The following SLC9A1 variants were observed in gnomAD, a reference collection of about 807,000 sequenced individuals.
The protein encoded by SLC9A1 is sodium/hydrogen exchanger 1.
Under a neutral mutation model 67.9 loss-of-function variants are expected in SLC9A1, and 22 were observed. The ratio of observed to expected loss-of-function variants is 0.32; its 90% CI spans 0.23 to 0.46. The LOEUF (loss-of-function observed/expected upper bound fraction) is 0.46. Ranked by LOEUF, SLC9A1 falls within the 20% of genes least tolerant of loss-of-function variation. The probability of loss-of-function intolerance (pLI) is 1.00; values close to 1 mark genes in which losing one functional copy is unlikely to be tolerated. For synonymous variants in SLC9A1, 421 were observed against 471.8 expected (o/e 0.89, Z 1.40); for missense variants, 686 against 1,094.8 (o/e 0.63, Z 5.27).
intron 1 of SLC9A1, among the ~76,000 whole-genome samples, chr1:27,115,842 G>A (rs2083268966): frequency 6.6e-6 from 1 of 152,100 alleles, no homozygotes; most frequent in Admixed American, 6.5e-5. Flanking sequence ...TACACCCAGG[G>A]CTAGGACACA....
At chr1:27,117,609 G>C (rs879555452) in intron 1 of SLC9A1, among the ~76,000 whole-genome samples, 2 of 152,302 alleles carry the variant, frequency 1.3e-5, no homozygotes, top group African/African-American at 2.4e-5. Flanking sequence ...ACAGCAACAT[G>C]AAGACGGCTC....
At chr1:27,102,252 G>T (rs1424677470) in intron 8 of SLC9A1, 122 bp from the exon 9 acceptor site, 4 of 1,332,664 alleles carry the variant, frequency 3.0e-6, no homozygotes, top group African/African-American at 1.4e-5. Context: ...TCAGGTCCTT[G>T]GTGCGAGCCC....
At chr1:27,140,777 G>T (rs765976246) in intron 1 of SLC9A1, among the ~76,000 whole-genome samples, 1 of 152,102 alleles carries the variant, frequency 6.6e-6, no homozygotes, top group Non-Finnish European at 1.5e-5. Flanking sequence ...TGTTTCAGAC[G>T]ATCAGTCTTG....
rs11579458 is a variant in SLC9A1 at position 27,155,124 on chromosome 1, C to A, written c.-790G>T. Reference sequence around the variant, plus strand: ...TAGCCCCGGCCCCGGCGGCAGCAGACTGAAGCCTAGCTGAGCCCGGCGCTG... The same window carrying A: ...TAGCCCCGGCCCCGGCGGCAGCAGAATGAAGCCTAGCTGAGCCCGGCGCTG... On this transcript the variant is annotated 5_prime_UTR_variant, in exon 1 of 12. Transcript: ENST00000263980. This position sits in a 1 kb window ranked among gnomAD's most constrained non-coding sequence, Gnocchi z 4.5. Among the ~76,000 whole-genome samples the A allele has an allele frequency of 1.3e-5, 2 of 152,100 alleles. No individual in the cohort carries two copies. Among genetic ancestry groups the A allele is most frequent in the African/African-American group, 4.8e-5 (2 of 41,432 alleles).
At chr1:27,110,175 G>C (rs977312703) in intron 2 of SLC9A1, among the ~76,000 whole-genome samples, 4 of 152,196 alleles carry the variant, frequency 2.6e-5, no homozygotes, top group Non-Finnish European at 5.9e-5. Flanking sequence ...CTAAATCAGC[G>C]AATCAAGTGC....
At chr1:27,151,512 C>T (rs1380947828) in intron 1 of SLC9A1, among the ~76,000 whole-genome samples, 1 of 152,146 alleles carries the variant, frequency 6.6e-6, no homozygotes, top group African/African-American at 2.4e-5. Context: ...AGGCAGCCGC[C>T]ACCATGCCCA....
chr1:27,119,351 T>C (rs1195153021), intron 1 of SLC9A1, among the ~76,000 whole-genome samples: 2 of 152,086 alleles, frequency 1.3e-5, no homozygotes, highest in Non-Finnish European at 2.9e-5. Flanking sequence ...CTTTGGCCCA[T>C]AGTGCCAGGT....
At position 27,109,698 on chromosome 1, in the gene SLC9A1, A is replaced by C. The variant is rs1183347068; in HGVS notation, c.893T>G (p.Phe298Cys). 6 of 1,613,886 alleles carry C rather than the reference A, an allele frequency of 3.7e-6. No individual in the cohort carries two copies. Among genetic ancestry groups the C allele is most frequent in the Non-Finnish European group, 5.1e-6 (6 of 1,180,028 alleles). The change falls in exon 3 of 12, where the codon TTC (phenylalanine) becomes TGC (cysteine). Residue 298 changes from phenylalanine (F) to cysteine (C), a missense_variant. Around this residue, in one of 7 missense-constraint regions of SLC9A1, gnomAD observed 58 missense variants for 68.9 expected, o/e 0.84. Coordinates refer to ENST00000263980, the MANE Select transcript of SLC9A1 (RefSeq NM_003047.5). The surrounding 1 kb of genome is among the most constrained non-coding windows in gnomAD (Gnocchi z 5.5). ...CACCCCGCCCAGGGCCACCACGAAG[A>C]AGCTCAGGAAGCCGAGGAAGATGTC... ...IVDIFLGFLS[F>C]FVVALGGVLV...
intron 1 of SLC9A1, among the ~76,000 whole-genome samples, chr1:27,139,220 C>T (rs533512739): frequency 1.5e-4 from 23 of 152,166 alleles, no homozygotes; most frequent in Non-Finnish European, 2.5e-4. Flanking sequence ...ACCGGTGTCA[C>T]GGCCATTGCC....
chr1:27,125,155 C>T (rs972582257), intron 1 of SLC9A1, among the ~76,000 whole-genome samples: 4 of 151,716 alleles, frequency 2.6e-5, no homozygotes, highest in African/African-American at 9.7e-5. Flanking sequence ...AACACCCATC[C>T]AAGCCAGCAC....
Position 27,106,106 on chromosome 1 carries a change from GGT to G in SLC9A1, c.1283-21_1283-20del. The G allele has an allele frequency of 6.4e-7, 1 of 1,565,656 alleles. No homozygotes were observed. The stretch of plus-strand genomic sequence containing the variant: ...AGCACCCCTGCAGGGGAAGGCAGGG[GGT>G]GATGAGGGTCAGGTCGGGCTGTCCC... On this transcript the variant is annotated intron_variant, in intron 4 of 11. Transcript: ENST00000263980. The surrounding 1 kb of genome is among the most constrained non-coding windows in gnomAD (Gnocchi z 4.3).
intron 1 of SLC9A1, among the ~76,000 whole-genome samples, chr1:27,135,617 G>A (rs554486465): frequency 1.5e-4 from 23 of 148,462 alleles, no homozygotes; most frequent in Middle Eastern, 3.4e-3. Context: ...TACTGTCACA[G>A]ATTATTTCAT....
At chr1:27,105,120 G>A in intron 5 of SLC9A1, among the ~76,000 whole-genome samples, 1 of 152,204 alleles carries the variant, frequency 6.6e-6, no homozygotes, top group East Asian at 1.9e-4. Context: ...AGCTAGGGCT[G>A]ACTCCAGGCC....
At chr1:27,141,069 G>A (rs867743453) in intron 1 of SLC9A1, among the ~76,000 whole-genome samples, 3 of 152,088 alleles carry the variant, frequency 2.0e-5, no homozygotes, top group Non-Finnish European at 1.5e-5. Context: ...TTAGCCAGGC[G>A]TGGTGGCACA....
At position 27,114,048 on chromosome 1, in the gene SLC9A1, C is replaced by A; in HGVS notation, c.591G>T (p.Thr197=). 1 of 1,614,142 alleles carries A rather than the reference C, an allele frequency of 6.2e-7. No individual in the cohort carries two copies. The highest frequency in any genetic ancestry group is 8.5e-7 in the Non-Finnish European group (1 of 1,180,046). ...GTILIFAVVG[T]LWNAFFLGGL... is the part of the protein sequence containing the mutation. ...CGCCCAGGAAGAAGGCGTTCCACAG[C>A]GTGCCCACCACGGCAAAGATCAGGA... Residue 197 remains threonine, a synonymous_variant, in exon 2 of 12, where the codon ACG becomes ACT. Coordinates refer to ENST00000263980, the MANE Select transcript of SLC9A1 (RefSeq NM_003047.5). This position sits in a 1 kb window ranked among gnomAD's most constrained non-coding sequence, Gnocchi z 5.4.
At chr1:27,120,005 A>T (rs1057210272) in intron 1 of SLC9A1, among the ~76,000 whole-genome samples, 2 of 151,942 alleles carry the variant, frequency 1.3e-5, no homozygotes, top group African/African-American at 4.8e-5. Flanking sequence ...CCAGGAGGGG[A>T]AGGTTGCAGT....
chr1:27,154,211 T>G lies in SLC9A1; in HGVS notation c.124A>C (p.Thr42Pro). ...TCTGAGCTTCGAATGGTGCTGGCAG[T>G]TGGGCTGAGCTGGAGGCCATGGCTC... The part of the protein sequence containing the change: ...LRSHGLQLSP[T>P]ASTIRSSEPP... The change falls in exon 1 of 12, where the codon ACT (threonine) becomes CCT (proline). Residue 42 changes from threonine (T) to proline (P), a missense_variant. Coordinates refer to ENST00000263980, the MANE Select transcript of SLC9A1 (RefSeq NM_003047.5). 6.2e-7 allele frequency: 1 copy of G among 1,614,070 alleles called. No individual in the cohort carries two copies. The highest frequency in any genetic ancestry group is 8.5e-7 in the Non-Finnish European group (1 of 1,179,988).
At chr1:27,122,161 C>T (rs909146325) in intron 1 of SLC9A1, among the ~76,000 whole-genome samples, 2 of 152,054 alleles carry the variant, frequency 1.3e-5, no homozygotes, top group Non-Finnish European at 2.9e-5. Flanking sequence ...CAGGTGTCAC[C>T]TCCTCTGGGA....
At position 27,100,690 on chromosome 1, in the gene SLC9A1, C is replaced by G. The variant is rs754407329; in HGVS notation, c.2111-46G>C. 6.7e-7 allele frequency: 1 copy of G among 1,491,688 alleles called. No homozygotes were observed. Among genetic ancestry groups the G allele is most frequent in the South Asian group, 1.3e-5 (1 of 79,446 alleles). 92.4% of individuals were successfully genotyped at this position (1,491,688 alleles called of 1,614,324 possible). ...ACAAGCTGGGTTCCGCTCTGGAGCC[C>G]GGCCCAGCACGTGCCACTCGGCCGC... is the stretch of plus-strand genomic sequence containing the variant. On this transcript the variant is annotated intron_variant, in intron 11 of 11. Coordinates refer to ENST00000263980, the MANE Select transcript of SLC9A1 (RefSeq NM_003047.5). This position sits in a 1 kb window ranked among gnomAD's most constrained non-coding sequence, Gnocchi z 5.6.
Sources: gnomAD v4.1 joint callset for allele counts (sites outside exome capture counted in the v4.1 genomes callset) on GRCh38, gnomAD v4.1.1 for gene constraint, gnomAD v4.1.1 regional missense constraint, Gnocchi (gnomAD v3.1) non-coding constraint, MANE v1.5 for transcripts, NCBI Gene and HGNC (gene_info 2026-07-23, HGNC 2026-07-21) for gene names.